The following UGGT1 variants were observed in gnomAD, a reference collection of about 807,000 sequenced individuals.
The protein encoded by UGGT1 is UDP-glucose:glycoprotein glucosyltransferase 1.
UGGT1 carries 107 observed loss-of-function variants against 203.9 expected under a neutral mutation model. The ratio of observed to expected loss-of-function variants is 0.52; its 90% CI spans 0.45 to 0.62. UGGT1 has a LOEUF of 0.62. Ranked by LOEUF, UGGT1 falls within the 20% of genes least tolerant of loss-of-function variation. The pLI is 0.00. For missense variants in UGGT1, 1,673 were observed against 1,867.2 expected (o/e 0.90, Z 1.92); for synonymous variants, 628 against 653.5 (o/e 0.96, Z 0.59).
intron 16 of UGGT1, 40 bp from the exon 17 acceptor site, chr2:128,143,054 C>G: frequency 7.2e-6 from 11 of 1,517,948 alleles, no homozygotes; most frequent in Non-Finnish European, 9.7e-6. Flanking sequence ...GAAATTTGAA[C>G]TTAAAAGTGT....
At chr2:128,138,384 A>T (rs1025640382) in intron 15 of UGGT1, among the ~76,000 whole-genome samples, 1 of 152,114 alleles carries the variant, frequency 6.6e-6, no homozygotes, top group Non-Finnish European at 1.5e-5. Flanking sequence ...AGCCAGGGGT[A>T]GTGGCGTATA....
At position 128,109,635 on chromosome 2, in the gene UGGT1, T is replaced by G; in HGVS notation, c.410T>G (p.Ile137Arg). 1 of 1,613,256 alleles carries G rather than the reference T, an allele frequency of 6.2e-7. No individual in the cohort carries two copies. Among genetic ancestry groups the G allele is most frequent in the Non-Finnish European group, 8.5e-7 (1 of 1,179,190 alleles). Reference protein sequence around the residue: ...YSATIQAFQQIAADEPPPEGC... With the variant: ...YSATIQAFQQRAADEPPPEGC... ...TATGTGTTGTGTCTTATGTGACAGA[T>G]AGCAGCTGATGAACCTCCACCAGAA... The change falls in exon 5 of 41, where the codon ATA (isoleucine) becomes AGA (arginine). Residue 137 changes from isoleucine (I) to arginine (R), a missense_variant and splice_region_variant. Ile to Arg is a moderately conservative substitution (Grantham distance 97). This residue lies in a region of UGGT1 where 1,073 missense variants were observed against 1,078.7 expected (regional missense o/e 0.99). Coordinates refer to ENST00000259253, the MANE Select transcript of UGGT1 (RefSeq NM_020120.4).
intron 27 of UGGT1, 47 bp downstream of exon 27, chr2:128,170,437 T>A: frequency 6.5e-7 from 1 of 1,540,206 alleles, no homozygotes; most frequent in Non-Finnish European, 9.0e-7. Flanking sequence ...TTTGAAGTTG[T>A]CACATGCTCT....
chr2:128,109,279 C>G (rs951039129), intron 4 of UGGT1, among the ~76,000 whole-genome samples: 10 of 152,178 alleles, frequency 6.6e-5, no homozygotes, highest in Non-Finnish European at 1.5e-4. Context: ...TTACGGATCA[C>G]TGCAGCCTCA....
intron 22 of UGGT1, among the ~76,000 whole-genome samples, chr2:128,159,095 T>G (rs986415824): frequency 4.5e-5 from 5 of 110,206 alleles, no homozygotes; most frequent in Non-Finnish European, 1.0e-4. Context: ...ATCTGAGACT[T>G]TTTTTTTTTT....
Position 128,120,321 on chromosome 2 carries a change from A to G in UGGT1, c.873-35A>G, listed in dbSNP as rs1413557892. 7 of 1,586,794 alleles carry G rather than the reference A, an allele frequency of 4.4e-6. 1 individual carries two copies. Among genetic ancestry groups the G allele is most frequent in the Admixed American group, 3.6e-5 (2 of 54,798 alleles). On this transcript the variant is annotated intron_variant, in intron 8 of 40. Coordinates refer to ENST00000259253, the MANE Select transcript of UGGT1 (RefSeq NM_020120.4). ...CTTCTTATGCTCCGGGAAAGAAAAA[A>G]TAATGAAAAGGACTGATTTTTATGT...
intron 24 of UGGT1, among the ~76,000 whole-genome samples, chr2:128,160,927 C>T (rs1172639891): frequency 1.3e-5 from 2 of 152,110 alleles, no homozygotes; most frequent in Non-Finnish European, 2.9e-5. Flanking sequence ...TTACTTTGTC[C>T]TTGAGGAATT....
chr2:128,186,044 CTA>C (rs1168424536), intron 38 of UGGT1, among the ~76,000 whole-genome samples: 2 of 152,170 alleles, frequency 1.3e-5, no homozygotes, highest in Non-Finnish European at 2.9e-5. Context: ...AACCACCACT[CTA>C]TTTAGTTGAC....
chr2:128,122,515 CAAG>C, intron 10 of UGGT1, among the ~76,000 whole-genome samples: 1 of 147,072 alleles, frequency 6.8e-6, no homozygotes, highest in African/African-American at 2.5e-5. Context: ...GCCTGAGCAA[CAAG>C]AACGAAACTC....
At chr2:128,164,096 C>T (rs112970996) in intron 25 of UGGT1, among the ~76,000 whole-genome samples, 9 of 152,268 alleles carry the variant, frequency 5.9e-5, no homozygotes, top group African/African-American at 2.2e-4. Context: ...GGAGAATCAC[C>T]TGAGCCTGGA....
At chr2:128,176,269 C>T (rs1254850673) in intron 31 of UGGT1, among the ~76,000 whole-genome samples, 2 of 152,080 alleles carry the variant, frequency 1.3e-5, no homozygotes, top group Non-Finnish European at 1.5e-5. Context: ...AAAAATTAGC[C>T]AGGCGTGGTG....
At position 128,127,308 on chromosome 2, in the gene UGGT1, T is replaced by A. The variant is rs73955930; in HGVS notation, c.1135-53T>A. ...GTAGTGAAGCCCAGAAACAATAAAATTTTTTTTAAAACATTCTCTCACAGC... is the reference window on the plus strand; with the variant it reads ...GTAGTGAAGCCCAGAAACAATAAAAATTTTTTTAAAACATTCTCTCACAGC... On this transcript the variant is annotated intron_variant, in intron 11 of 40. Transcript: ENST00000259253. The A allele has an allele frequency of 8.2e-6, 11 of 1,334,354 alleles. No individual in the cohort carries two copies. In the Admixed American group the frequency reaches 9.5e-5, roughly 11 times the overall value. The allele number at this position is 1,334,354 out of a possible 1,614,324, so 82.7% of individuals were successfully genotyped here.
chr2:128,182,658 C>T (rs918737015), intron 37 of UGGT1, among the ~76,000 whole-genome samples: 3 of 147,580 alleles, frequency 2.0e-5, no homozygotes, highest in Non-Finnish European at 3.0e-5. Context: ...GAGATCACGC[C>T]GCTGCACTCC....
intron 21 of UGGT1, 81 bp downstream of exon 21, chr2:128,156,496 C>A: frequency 1.8e-6 from 2 of 1,088,534 alleles, no homozygotes; most frequent in Non-Finnish European, 2.8e-6. Context: ...AATTTATCAA[C>A]ACTTAATTGT....
At chr2:128,112,671 C>T (rs1283388325) in intron 5 of UGGT1, among the ~76,000 whole-genome samples, 1 of 149,862 alleles carries the variant, frequency 6.7e-6, no homozygotes, top group Non-Finnish European at 1.5e-5. Flanking sequence ...CACCCTCGAC[C>T]TCTGGGGCTC....
At chr2:128,126,141 A>G (rs1036023722) in intron 11 of UGGT1, among the ~76,000 whole-genome samples, 5 of 151,520 alleles carry the variant, frequency 3.3e-5, no homozygotes, top group African/African-American at 9.7e-5. Context: ...ACGGGGTTTC[A>G]CCATGTTGGC....
chr2:128,137,736 C>G (rs1285956720), intron 15 of UGGT1, among the ~76,000 whole-genome samples: 2 of 152,198 alleles, frequency 1.3e-5, no homozygotes, highest in Non-Finnish European at 2.9e-5. Context: ...GATATAAAGT[C>G]TGGTCTAGAC....
At chr2:128,093,001 A>G (rs559680235) in intron 1 of UGGT1, among the ~76,000 whole-genome samples, 12 of 152,226 alleles carry the variant, frequency 7.9e-5, no homozygotes, top group East Asian at 1.9e-4. Context: ...AAGGGATCCT[A>G]TAAAATGAAG....
chr2:128,183,637 C>A, intron 37 of UGGT1, 38 bp from the exon 38 acceptor site: 2 of 1,490,820 alleles, frequency 1.3e-6, no homozygotes, highest in South Asian at 1.1e-5. Flanking sequence ...CTGTCGTAAT[C>A]CATGGTTGGT....
Sources: gnomAD v4.1 joint callset for allele counts (sites outside exome capture counted in the v4.1 genomes callset) on GRCh38, gnomAD v4.1.1 for gene constraint, gnomAD v4.1.1 regional missense constraint, MANE v1.5 for transcripts, NCBI Gene and HGNC (gene_info 2026-07-23, HGNC 2026-07-21) for gene names.